The following OSBPL6 variants were observed in gnomAD, a reference collection of about 807,000 sequenced individuals.
The protein encoded by OSBPL6 is oxysterol binding protein like 6, also known as oxysterol-binding protein-related protein 6.
Under a neutral mutation model 125.8 loss-of-function variants are expected in OSBPL6, and 49 were observed. That is an observed-to-expected ratio of 0.39 (90% confidence interval 0.31 to 0.49). The LOEUF is 0.49. Ranked by LOEUF, OSBPL6 falls within the 20% of genes least tolerant of loss-of-function variation. The pLI, the probability that OSBPL6 is intolerant of heterozygous loss-of-function variation, is 0.88. For synonymous variants in OSBPL6, 394 were observed against 391.8 expected (o/e 1.01, Z -0.07); for missense variants, 986 against 1,135.4 (o/e 0.87, Z 1.89).
chr2:178,244,125 C>G (rs978693775), intron 1 of OSBPL6, among the ~76,000 whole-genome samples: 3 of 152,198 alleles, frequency 2.0e-5, no homozygotes, highest in Admixed American at 1.3e-4. Context: ...ACACACTGCT[C>G]AAACTCCGCT....
chr2:178,281,985 G>A (rs573767304), intron 1 of OSBPL6, among the ~76,000 whole-genome samples: 3 of 152,130 alleles, frequency 2.0e-5, no homozygotes, highest in Non-Finnish European at 4.4e-5. Context: ...ACAGAATTAA[G>A]GTCCGGTCCC....
chr2:178,259,558 G>C (rs945189952), intron 1 of OSBPL6, among the ~76,000 whole-genome samples: 53 of 152,096 alleles, frequency 3.5e-4, no homozygotes, highest in Non-Finnish European at 4.6e-4. Context: ...AATTTTCTTT[G>C]AATTCTTTAA....
chr2:178,223,255 A>G (rs1341846371), intron 1 of OSBPL6, among the ~76,000 whole-genome samples: 1 of 152,204 alleles, frequency 6.6e-6, no homozygotes. Context: ...TATTATTCAG[A>G]TAGAGCATTT....
At chr2:178,349,085 TA>T in intron 11 of OSBPL6, 138 bp from the exon 12 acceptor site, 1 of 928,850 alleles carries the variant, frequency 1.1e-6, no homozygotes, top group Non-Finnish European at 1.7e-6. Flanking sequence ...GCCTGCAAAA[TA>T]AATGAGTACT....
At chr2:178,275,637 T>C (rs1182616135) in intron 1 of OSBPL6, among the ~76,000 whole-genome samples, 2 of 152,058 alleles carry the variant, frequency 1.3e-5, no homozygotes, top group Non-Finnish European at 2.9e-5. Context: ...GAGGTCAGCA[T>C]TGAGGAGACG....
Position 178,201,135 on chromosome 2 carries a change from AT to A in OSBPL6, c.-351+6463del, listed in dbSNP as rs560292380. ...AAAACTGTAGACTCTACAAATGTATATTAATATTTCATTTAGAATTAAGATT... is the reference window on the plus strand; with the variant it reads ...AAAACTGTAGACTCTACAAATGTATATAATATTTCATTTAGAATTAAGATT... On this transcript the variant is annotated intron_variant, in intron 1 of 24. Coordinates refer to ENST00000190611, the MANE Select transcript of OSBPL6 (RefSeq NM_032523.4). Among the ~76,000 whole-genome samples the A allele has an allele frequency of 2.0e-4, 31 of 152,318 alleles. 2 individuals are homozygous for A. The South Asian group carries it at 6.2e-3, about 31-fold the overall frequency.
chr2:178,207,361 T>C (rs907409230), intron 1 of OSBPL6, among the ~76,000 whole-genome samples: 2 of 152,226 alleles, frequency 1.3e-5, no homozygotes, highest in African/African-American at 4.8e-5. Flanking sequence ...TCTGCCTCTG[T>C]CTTACAAGGA....
At chr2:178,256,918 G>C (rs572370489) in intron 1 of OSBPL6, among the ~76,000 whole-genome samples, 5 of 152,172 alleles carry the variant, frequency 3.3e-5, no homozygotes, top group African/African-American at 9.6e-5. Flanking sequence ...ACCTGCAACT[G>C]TCTCTCAATA....
chr2:178,385,968 C>A lies in OSBPL6; in HGVS notation c.2077+447C>A, dbSNP rs548301543. On this transcript the variant is annotated intron_variant, in intron 19 of 24. Transcript: ENST00000190611. ...ACAGTAATTCCTGGCCTTTAACTCA[C>A]TGGGGCTCCAGAGTTTGGATTGAAG... 9.8e-5 allele frequency among the ~76,000 whole-genome samples: 15 copies of A among 152,310 alleles called. 1 individual carries two copies. The South Asian group carries it at 2.9e-3, about 29-fold the overall frequency.
chr2:178,282,730 C>T (rs1684324092), intron 1 of OSBPL6, among the ~76,000 whole-genome samples: 1 of 152,190 alleles, frequency 6.6e-6, no homozygotes, highest in Non-Finnish European at 1.5e-5. Flanking sequence ...CAGCTCACTT[C>T]AATTTCTACC....
At chr2:178,317,732 CT>C (rs750419514) in intron 3 of OSBPL6, among the ~76,000 whole-genome samples, 466 of 141,750 alleles carry the variant, frequency 3.3e-3, no homozygotes, top group Middle Eastern at 0.014. Context: ...TGTATATGGA[CT>C]TTTTTTTTTT....
intron 12 of OSBPL6, among the ~76,000 whole-genome samples, chr2:178,358,184 A>T (rs1368658818): frequency 2.0e-5 from 3 of 152,230 alleles, no homozygotes; most frequent in Non-Finnish European, 2.9e-5. Flanking sequence ...ATACCTATGT[A>T]CCAAACCTGC....
intron 1 of OSBPL6, among the ~76,000 whole-genome samples, chr2:178,201,847 A>G (rs2153937229): frequency 6.6e-6 from 1 of 152,346 alleles, no homozygotes; most frequent in South Asian, 2.1e-4. Flanking sequence ...AGTGTGCCTG[A>G]CAGTGTTCCC....
intron 8 of OSBPL6, 71 bp downstream of exon 8, chr2:178,333,112 G>A: frequency 6.5e-7 from 1 of 1,527,340 alleles, no homozygotes; most frequent in Non-Finnish European, 9.0e-7. Flanking sequence ...GCCAGGCACT[G>A]TGGCTCACGT....
At chr2:178,226,435 T>G (rs1320000317) in intron 1 of OSBPL6, among the ~76,000 whole-genome samples, 1 of 152,100 alleles carries the variant, frequency 6.6e-6, no homozygotes, top group African/African-American at 2.4e-5. Context: ...AGACAATGGG[T>G]CTGGGGTGGG....
intron 1 of OSBPL6, among the ~76,000 whole-genome samples, chr2:178,208,356 TATC>T (rs1048658676): frequency 7.9e-5 from 12 of 152,068 alleles, no homozygotes; most frequent in African/African-American, 2.9e-4. Context: ...AATACTTGCT[TATC>T]ATCAAATAGT....
intron 15 of OSBPL6, among the ~76,000 whole-genome samples, chr2:178,380,633 G>C (rs1694386258): frequency 6.6e-6 from 1 of 152,018 alleles, no homozygotes; most frequent in Non-Finnish European, 1.5e-5. Flanking sequence ...TGGCAACATG[G>C]AACTAAAGCC....
intron 5 of OSBPL6, among the ~76,000 whole-genome samples, chr2:178,329,543 A>G (rs112127411): frequency 0.27 from 41,517 of 151,388 alleles, 6,040 homozygotes; most frequent in Admixed American, 0.39. Context: ...GCCTCCCTCC[A>G]GAGTAGCTGG....
At position 178,391,146 on chromosome 2, in the gene OSBPL6, G is replaced by A. The variant is rs201135279; in HGVS notation, c.2375G>A (p.Arg792Gln). 99 of 1,613,856 alleles carry A rather than the reference G, an allele frequency of 6.1e-5. No homozygotes were observed. In the Admixed American group the frequency reaches 1.2e-3, roughly 19 times the overall value. The change falls in exon 22 of 25, where the codon CGG (arginine) becomes CAG (glutamine). Residue 792 changes from arginine (R) to glutamine (Q), a missense_variant. By Grantham distance (43) the Arg-to-Gln change is conservative. Coordinates refer to ENST00000190611, the MANE Select transcript of OSBPL6 (RefSeq NM_032523.4). The stretch of plus-strand genomic sequence containing the variant: ...GATCAGGAGGGGAAGGCGGTGTACC[G>A]GCTGTTTGGAAAGTGGCATGAAGGA... ...VIDQEGKAVY[R>Q]LFGKWHEGLY... is the part of the protein sequence containing the mutation.
Sources: allele counts gnomAD v4.1 joint callset (sites outside exome capture counted in the v4.1 genomes callset), GRCh38; gene constraint gnomAD v4.1.1; transcripts MANE v1.5; gene names NCBI Gene and HGNC (gene_info 2026-07-23, HGNC 2026-07-21).